FAM227B: variants seen among roughly 807,000 people sequenced by gnomAD.
The protein encoded by FAM227B is protein FAM227B.
In FAM227B, 88 loss-of-function variants were observed where a neutral mutation model predicts 73.8. The ratio of observed to expected loss-of-function variants is 1.19; its 90% CI spans 1.00 to 1.42. The LOEUF is 1.42. FAM227B is among the 40% of genes most tolerant of loss of function. FAM227B has a pLI of 0.00. For synonymous variants in FAM227B, 210 were observed against 190.5 expected, an observed-to-expected ratio of 1.10 and a Z score of -0.84; for missense variants, 632 against 590.9, an observed-to-expected ratio of 1.07 and a Z score of -0.72.
intron 11 of FAM227B, among the ~76,000 whole-genome samples, chr15:49,380,254 C>G (rs866929214): frequency 1.3e-5 from 2 of 152,264 alleles, no homozygotes; most frequent in Middle Eastern, 3.4e-3. Context: ...TGCTGCCTGG[C>G]CTGGGCCTCA....
intron 11 of FAM227B, among the ~76,000 whole-genome samples, chr15:49,416,812 C>T (rs1003156405): frequency 7.3e-5 from 11 of 151,120 alleles, no homozygotes; most frequent in Admixed American, 6.6e-4. Context: ...CACACAAATA[C>T]CTAGGAATAC....
intron 9 of FAM227B, among the ~76,000 whole-genome samples, chr15:49,547,171 G>A (rs1567545197): frequency 6.6e-6 from 1 of 152,106 alleles, no homozygotes; most frequent in Non-Finnish European, 1.5e-5. Context: ...CTCATATCCA[G>A]CCAAATTAAG....
intron 3 of FAM227B, among the ~76,000 whole-genome samples, chr15:49,608,663 T>A (rs1049530597): frequency 6.6e-6 from 1 of 152,074 alleles, no homozygotes; most frequent in African/African-American, 2.4e-5. Context: ...AAAAAGAGAA[T>A]GGGATTGAAA....
At chr15:49,417,353 C>T (rs2049286816) in intron 11 of FAM227B, among the ~76,000 whole-genome samples, 1 of 152,112 alleles carries the variant, frequency 6.6e-6, no homozygotes, top group South Asian at 2.1e-4. Flanking sequence ...TGCCACTGCG[C>T]TTCAGTCTGG....
intron 11 of FAM227B, among the ~76,000 whole-genome samples, chr15:49,384,438 T>A (rs1375707622): frequency 6.6e-6 from 1 of 151,886 alleles, no homozygotes; most frequent in African/African-American, 2.4e-5. Flanking sequence ...TCTGTGGGGA[T>A]GGGGTGGGGA....
At chr15:49,609,803 C>T (rs1350910865) in intron 3 of FAM227B, among the ~76,000 whole-genome samples, 2 of 151,776 alleles carry the variant, frequency 1.3e-5, no homozygotes, top group African/African-American at 4.8e-5. Flanking sequence ...AAAATAACTA[C>T]AGAATATGGG....
chr15:49,472,732 G>T lies in FAM227B; in HGVS notation c.1012+35479C>A, dbSNP rs2054890070. ...AGATATGACAAGAAGAGAATAGAAA[G>T]CTTATTATGCCTCATAAGAAAAGGG... On this transcript the variant is annotated intron_variant, in intron 11 of 15. Transcript: ENST00000299338. 4.6e-5 allele frequency among the ~76,000 whole-genome samples: 7 copies of T among 152,010 alleles called. No homozygotes were observed. In the South Asian group the frequency reaches 1.4e-3, roughly 31 times the overall value.
At chr15:49,500,870 C>T (rs967604575) in intron 11 of FAM227B, among the ~76,000 whole-genome samples, 2 of 152,080 alleles carry the variant, frequency 1.3e-5, no homozygotes, top group Non-Finnish European at 2.9e-5. Flanking sequence ...CATATGAGGT[C>T]TGCTTGTTTA....
intron 13 of FAM227B, chr15:49,365,322 GAAC>G: frequency 1.3e-6 from 2 of 1,568,274 alleles, no homozygotes; most frequent in Non-Finnish European, 1.8e-6. Flanking sequence ...ATCAGCACCA[GAAC>G]AACAAATGTA....
chr15:49,328,728 A>G (rs1357733613), intron 15 of FAM227B, 53 bp from the exon 16 acceptor site: 2 of 1,520,866 alleles, frequency 1.3e-6, no homozygotes, highest in Non-Finnish European at 1.8e-6. Flanking sequence ...GACATTGTAT[A>G]ATTGAATTTG....
chr15:49,435,798 A>C (rs1416136074), intron 11 of FAM227B, among the ~76,000 whole-genome samples: 1 of 151,582 alleles, frequency 6.6e-6, no homozygotes, highest in Non-Finnish European at 1.5e-5. Flanking sequence ...AATTAATATT[A>C]CCACTAAAAT....
At chr15:49,543,925 G>A (rs2071449652) in intron 9 of FAM227B, among the ~76,000 whole-genome samples, 1 of 152,148 alleles carries the variant, frequency 6.6e-6, no homozygotes, top group Non-Finnish European at 1.5e-5. Flanking sequence ...TTGAAGTCGG[G>A]TAATGTGATG....
intron 6 of FAM227B, 195 bp downstream of exon 6, chr15:49,577,434 A>C (rs953322484): frequency 6.4e-6 from 3 of 471,538 alleles, no homozygotes; most frequent in Non-Finnish European, 1.2e-5. Context: ...AACTCAAATG[A>C]TCAAGAATTT....
At chr15:49,591,044 G>GC (rs1567655539) in intron 3 of FAM227B, among the ~76,000 whole-genome samples, 4 of 45,994 alleles carry the variant, frequency 8.7e-5, no homozygotes, top group Admixed American at 2.1e-4. Context: ...TTTTTTTTTT[G>GC]ATTTTTTTTT....
At chr15:49,432,601 G>A (rs1187297291) in intron 11 of FAM227B, among the ~76,000 whole-genome samples, 2 of 151,502 alleles carry the variant, frequency 1.3e-5, no homozygotes, top group Non-Finnish European at 3.0e-5. Flanking sequence ...CTTTGGTGTT[G>A]TCAAGAACTA....
chr15:49,514,910 C>G (rs549738280), intron 10 of FAM227B, among the ~76,000 whole-genome samples: 1 of 152,140 alleles, frequency 6.6e-6, no homozygotes, highest in African/African-American at 2.4e-5. Context: ...GGGCTATAAT[C>G]CATTTCAGTT....
chr15:49,360,664 C>T (rs1005485105), intron 13 of FAM227B, among the ~76,000 whole-genome samples: 1 of 152,050 alleles, frequency 6.6e-6, no homozygotes, highest in Non-Finnish European at 1.5e-5. Flanking sequence ...GCTCTAAATC[C>T]TAGACATCAA....
chr15:49,484,290 T>C (rs373343090), intron 11 of FAM227B: 10 of 1,508,084 alleles, frequency 6.6e-6, no homozygotes, highest in South Asian at 4.7e-5. Context: ...TAATGTCTGT[T>C]TGTTTGTTTG....
chr15:49,331,272 A>C (rs2038682057), intron 15 of FAM227B: 2 of 153,936 alleles, frequency 1.3e-5, no homozygotes, highest in Non-Finnish European at 2.9e-5. Context: ...CAGACTTAAC[A>C]AGAATGCCCA....
Sources: allele counts gnomAD v4.1 joint callset (sites outside exome capture counted in the v4.1 genomes callset), GRCh38; gene constraint gnomAD v4.1.1; transcripts MANE v1.5; gene names NCBI Gene and HGNC (gene_info 2026-07-23, HGNC 2026-07-21).